Variants in CHRNB4 observed in about 807,000 individuals in gnomAD.
The protein encoded by CHRNB4 is cholinergic receptor nicotinic beta 4 subunit.
In CHRNB4, 23 loss-of-function variants were observed where a neutral mutation model predicts 40.4. The ratio of observed to expected loss-of-function variants is 0.57; its 90% confidence interval spans 0.41 to 0.81. The LOEUF is 0.81. Ranked by LOEUF, CHRNB4 falls within the 30% of genes least tolerant of loss-of-function variation. The pLI, the probability that CHRNB4 is intolerant of heterozygous loss-of-function variation, is 0.00. For synonymous variants in CHRNB4, 285 were observed against 274.4 expected (o/e 1.04, Z -0.38); for missense variants, 568 against 670.6 (o/e 0.85, Z 1.69).
At chr15:78,657,840 C>T (rs187452471) in intron 2 of CHRNB4, among the ~76,000 whole-genome samples, 7 of 127,200 alleles carry the variant, frequency 5.5e-5, no homozygotes, top group Admixed American at 3.9e-4. Flanking sequence ...GCCTGAGCCA[C>T]CGCGCCTGGC....
upstream of CHRNB4, among the ~76,000 whole-genome samples, chr15:78,641,429 C>A (rs2054073581): frequency 6.6e-6 from 1 of 152,232 alleles, no homozygotes; most frequent in Non-Finnish European, 1.5e-5. Context: ...AGTGCGGGCA[C>A]CCTTGGTACA....
At chr15:78,648,465 C>A (rs2054144884) in intron 7 of CHRNB4, among the ~76,000 whole-genome samples, 1 of 147,958 alleles carries the variant, frequency 6.8e-6, no homozygotes, top group Non-Finnish European at 1.5e-5. Flanking sequence ...AGAATATATT[C>A]TTATTGTTGG....
chr15:78,640,995 C>T (rs1438004661), intron 1 of CHRNB4, 84 bp downstream of exon 1: 2 of 1,440,388 alleles, frequency 1.4e-6, no homozygotes, highest in Non-Finnish European at 1.9e-6. Context: ...GCAGGGCACC[C>T]TCCCTTCCCT....
At chr15:78,653,779 CTT>C (rs1205774087) in intron 5 of CHRNB4, among the ~76,000 whole-genome samples, 2 of 152,182 alleles carry the variant, frequency 1.3e-5, no homozygotes, top group Non-Finnish European at 1.5e-5. Context: ...GGGGCTGAAA[CTT>C]TGTTAGATCT....
intron 2 of CHRNB4, among the ~76,000 whole-genome samples, chr15:78,633,548 A>C (rs1169849600): frequency 6.6e-6 from 1 of 152,154 alleles, no homozygotes; most frequent in African/African-American, 2.4e-5. Context: ...TTTGATTAGA[A>C]TATTTAGGCC....
At chr15:78,630,642 T>C (rs1334157883) in intron 4 of CHRNB4, among the ~76,000 whole-genome samples, 1 of 152,200 alleles carries the variant, frequency 6.6e-6, no homozygotes, top group African/African-American at 2.4e-5. Flanking sequence ...ACCACACACT[T>C]TGAGCCATTT....
chr15:78,634,444 G>C (rs915780245), intron 2 of CHRNB4, among the ~76,000 whole-genome samples: 5 of 152,210 alleles, frequency 3.3e-5, no homozygotes, highest in Non-Finnish European at 5.9e-5. Context: ...CGGAGGGAGA[G>C]GGGCAGAGAG....
At chr15:78,651,070 T>A (rs1166059223) in intron 6 of CHRNB4, among the ~76,000 whole-genome samples, 1 of 152,060 alleles carries the variant, frequency 6.6e-6, no homozygotes, top group Non-Finnish European at 1.5e-5. Flanking sequence ...GGGTCAGTGA[T>A]CTCAACCAGT....
At chr15:78,659,509 A>C (rs560980763) in intron 1 of CHRNB4, among the ~76,000 whole-genome samples, 1 of 152,288 alleles carries the variant, frequency 6.6e-6, no homozygotes, top group African/African-American at 2.4e-5. Flanking sequence ...AAACAGAGTG[A>C]TGTGCTGCAG....
chr15:78,645,045 G>C (rs2054111655), upstream of CHRNB4, among the ~76,000 whole-genome samples: 1 of 151,960 alleles, frequency 6.6e-6, no homozygotes. Flanking sequence ...GAGACAGTAA[G>C]GGACTCACCT....
chr15:78,659,120 G>A (rs1287670271), intron 1 of CHRNB4, among the ~76,000 whole-genome samples: 1 of 152,158 alleles, frequency 6.6e-6, no homozygotes, highest in Non-Finnish European at 1.5e-5. Flanking sequence ...GTAAGATGGG[G>A]AGACAATGAC....
upstream of CHRNB4, among the ~76,000 whole-genome samples, chr15:78,642,641 C>T (rs1264132487): frequency 6.6e-6 from 1 of 152,124 alleles, no homozygotes; most frequent in Non-Finnish European, 1.5e-5. Context: ...TTGGAAAGGA[C>T]ATAAAACCTG....
chr15:78,655,364 C>G (rs977550248), intron 5 of CHRNB4, among the ~76,000 whole-genome samples: 1 of 148,462 alleles, frequency 6.7e-6, no homozygotes, highest in African/African-American at 2.6e-5. Flanking sequence ...TACAGCTGCA[C>G]ACCACCACAC....
At chr15:78,652,218 C>T (rs2054178278) in intron 6 of CHRNB4, among the ~76,000 whole-genome samples, 1 of 152,214 alleles carries the variant, frequency 6.6e-6, no homozygotes, top group Non-Finnish European at 1.5e-5. Context: ...TCTCCCAGGC[C>T]CTGCTGCTCT....
At chr15:78,660,861 C>G, upstream of CHRNB4, 1 of 348,754 alleles carries the variant, frequency 2.9e-6, no homozygotes. Flanking sequence ...TGAGCTCCAT[C>G]CAGCTCAGGT....
chr15:78,642,856 A>G (rs2054092996), upstream of CHRNB4, among the ~76,000 whole-genome samples: 1 of 152,228 alleles, frequency 6.6e-6, no homozygotes, highest in African/African-American at 2.4e-5. Flanking sequence ...TCTTTGTCAC[A>G]GAGAGACAGC....
intron 5 of CHRNB4, chr15:78,626,753 T>C (rs1483018830): frequency 1.3e-5 from 2 of 152,134 alleles, no homozygotes; most frequent in Non-Finnish European, 2.9e-5. Context: ...CCAGGGAGGG[T>C]TAGCAGTAAT....
At chr15:78,658,890 T>C (rs926859809) in intron 1 of CHRNB4, among the ~76,000 whole-genome samples, 1 of 152,200 alleles carries the variant, frequency 6.6e-6, no homozygotes, top group Non-Finnish European at 1.5e-5. Flanking sequence ...ACCTCTGTTA[T>C]AAACACTGCT....
chr15:78,638,010 A>G (rs1267437772), intron 1 of CHRNB4, among the ~76,000 whole-genome samples: 2 of 152,132 alleles, frequency 1.3e-5, no homozygotes, highest in African/African-American at 4.8e-5. Flanking sequence ...GTTTGTTTGG[A>G]CTGACTTATT....
Sources: gnomAD v4.1 joint callset for allele counts (sites outside exome capture counted in the v4.1 genomes callset) on GRCh38, gnomAD v4.1.1 for gene constraint, MANE v1.5 for transcripts, NCBI Gene and HGNC (gene_info 2026-07-23, HGNC 2026-07-21) for gene names.